GUF1: variants seen among roughly 807,000 people sequenced by gnomAD.
GUF1 encodes translation factor GUF1, mitochondrial.
A neutral mutation model predicts 82.4 loss-of-function variants in GUF1; 78 were observed. The observed-to-expected ratio is 0.95, with a 90% CI of 0.79 to 1.14. The LOEUF (loss-of-function observed/expected upper bound fraction) is 1.14, where lower values mean the gene tolerates loss of function less well. Ranked by LOEUF, GUF1 falls within the 50% of genes most tolerant of loss-of-function variation. The pLI is 0.00. For missense variants in GUF1, 814 were observed against 798.2 expected, an observed-to-expected ratio of 1.02 and a Z score of -0.24; for synonymous variants, 279 against 282.3, an observed-to-expected ratio of 0.99 and a Z score of 0.12.
At position 44,700,701 on chromosome 4, in the gene GUF1, T is replaced by C. The variant is rs972077712; in HGVS notation, c.*2020T>C. Reference sequence around the variant, plus strand: ...ACTGACTTGAGAGCTGTCTCAGATATTTTGAGCTTACAGTTATTGTGAAAT... The same window carrying C: ...ACTGACTTGAGAGCTGTCTCAGATACTTTGAGCTTACAGTTATTGTGAAAT... On this transcript the variant is annotated 3_prime_UTR_variant, in exon 17 of 17. Coordinates refer to ENST00000281543, the MANE Select transcript of GUF1 (RefSeq NM_021927.3). The C allele has an allele frequency of 6.6e-6, 1 of 152,228 alleles. No homozygotes were observed. The highest frequency in any genetic ancestry group is 1.5e-5 in the Non-Finnish European group (1 of 68,044). 9.4% of individuals were successfully genotyped at this position (152,228 alleles called of 1,614,324 possible).
chr4:44,681,000 C>A, intron 3 of GUF1, 123 bp from the exon 4 acceptor site: 1 of 1,110,942 alleles, frequency 9.0e-7, no homozygotes, highest in South Asian at 1.4e-5. Flanking sequence ...TTCAAAAGTG[C>A]AGGCTACAAA....
At chr4:44,683,417 GT>G in intron 6 of GUF1, 99 bp downstream of exon 6, 1 of 605,728 alleles carries the variant, frequency 1.7e-6, no homozygotes. Flanking sequence ...ATTATATGCT[GT>G]TTTTTATAGT....
chr4:44,678,541 A>G lies in GUF1; in HGVS notation c.-82A>G, dbSNP rs1714560897. The G allele has an allele frequency of 1.7e-6, 2 of 1,155,748 alleles. No homozygotes were observed. Among genetic ancestry groups the G allele is most frequent in the Non-Finnish European group, 2.3e-6 (2 of 869,400 alleles). The allele number at this position is 1,155,748 out of a possible 1,614,324, so 71.6% of individuals were successfully genotyped here. ...GTTTGAGTCCTGTCCACCGGATCCT[A>G]CGGGGGGTACCTTCGAAAAAAAACG... On this transcript the variant is annotated 5_prime_UTR_variant, in exon 1 of 17. Coordinates refer to ENST00000281543, the MANE Select transcript of GUF1 (RefSeq NM_021927.3).
rs1716070233 is a variant in GUF1 at position 44,699,347 on chromosome 4, TA to T, written c.*668del. 1 of 152,222 alleles carries T rather than the reference TA, an allele frequency of 6.6e-6. No individual in the cohort carries two copies. Among genetic ancestry groups the T allele is most frequent in the African/African-American group, 2.4e-5 (1 of 41,424 alleles). 9.4% of individuals were successfully genotyped at this position (152,222 alleles called of 1,614,324 possible). On this transcript the variant is annotated 3_prime_UTR_variant, in exon 17 of 17. Transcript: ENST00000281543. ...ACAGGCGTGCACCACCATGCTCGGC[TA>T]ATTTTTTGTATCTTTAGTAGAGTCG... is the stretch of plus-strand genomic sequence containing the variant.
intron 13 of GUF1, among the ~76,000 whole-genome samples, chr4:44,693,007 G>C (rs1266939768): frequency 6.6e-6 from 1 of 151,904 alleles, no homozygotes; most frequent in South Asian, 2.1e-4. Flanking sequence ...TTTAATGAGA[G>C]AACATGATTT....
Position 44,678,502 on chromosome 4 carries a change from G to C in GUF1, c.-121G>C. The C allele has an allele frequency of 1.3e-6, 1 of 795,300 alleles. No homozygotes were observed. The highest frequency in any genetic ancestry group is 1.8e-6 in the Non-Finnish European group (1 of 562,732). The allele number at this position is 795,300 out of a possible 1,614,324, so 49.3% of individuals were successfully genotyped here. Reference sequence around the variant, plus strand: ...GAGCTCCCCGGGGTTCATTGTCTTCGCTTCACAGGATCTGTTTGAGTCCTG... The same window carrying C: ...GAGCTCCCCGGGGTTCATTGTCTTCCCTTCACAGGATCTGTTTGAGTCCTG... On this transcript the variant is annotated 5_prime_UTR_variant, in exon 1 of 17. Coordinates refer to ENST00000281543, the MANE Select transcript of GUF1 (RefSeq NM_021927.3).
intron 10 of GUF1, among the ~76,000 whole-genome samples, chr4:44,689,638 TA>T (rs1715297398): frequency 6.6e-6 from 1 of 151,838 alleles, no homozygotes; most frequent in Non-Finnish European, 1.5e-5. Context: ...ATTTTATGGG[TA>T]AGTTTTATAG....
At chr4:44,685,890 C>G in intron 6 of GUF1, 69 bp from the exon 7 acceptor site, 4 of 1,019,436 alleles carry the variant, frequency 3.9e-6, no homozygotes, top group Non-Finnish European at 6.0e-6. Context: ...TCATAAGTCA[C>G]AGGTCATCAA....
rs1716025466 is a variant in GUF1 at position 44,698,822 on chromosome 4, G to T, written c.*141G>T. 1 of 686,918 alleles carries T rather than the reference G, an allele frequency of 1.5e-6. No homozygotes were observed. The allele number at this position is 686,918 out of a possible 1,614,324, so 42.6% of individuals were successfully genotyped here. On this transcript the variant is annotated 3_prime_UTR_variant, in exon 17 of 17. Coordinates refer to ENST00000281543, the MANE Select transcript of GUF1 (RefSeq NM_021927.3). ...TTTCGTTGAAAGGGAGTAGTTAGTG[G>T]GTAGGCAAGAGCTTAGATTTTGAAG...
chr4:44,686,079 T>C, intron 7 of GUF1, 56 bp downstream of exon 7: 1 of 1,185,488 alleles, frequency 8.4e-7, no homozygotes, highest in Non-Finnish European at 1.3e-6. Flanking sequence ...TCAAAAACTG[T>C]CCATGTTTAA....
chr4:44,698,406 C>A, intron 16 of GUF1, 138 bp from the exon 17 acceptor site: 1 of 625,502 alleles, frequency 1.6e-6, no homozygotes, highest in Non-Finnish European at 2.7e-6. Context: ...ATTAGATCTG[C>A]TAGGAAGATT....
At chr4:44,681,339 C>A in intron 4 of GUF1, 136 bp downstream of exon 4, 1 of 631,342 alleles carries the variant, frequency 1.6e-6, no homozygotes, top group South Asian at 2.0e-5. Context: ...TACTGAAAAT[C>A]ATATGGTTTC....
In GUF1 at chr4:44,699,097, A is replaced by G. The variant is rs1716047955; in HGVS notation, c.*416A>G. 1 of 153,962 alleles carries G rather than the reference A, an allele frequency of 6.5e-6. No individual in the cohort carries two copies. The highest frequency in any genetic ancestry group is 2.1e-4 in the South Asian group (1 of 4,878). 9.5% of individuals were successfully genotyped at this position (153,962 alleles called of 1,614,324 possible). ...GGTTCTTAGAAACTGACTTTAAGCA[A>G]AATGACACGTAGCACAATGTTCTTG... On this transcript the variant is annotated 3_prime_UTR_variant, in exon 17 of 17. Coordinates refer to ENST00000281543, the MANE Select transcript of GUF1 (RefSeq NM_021927.3).
Position 44,698,745 on chromosome 4 carries a change from T to C in GUF1, c.*64T>C, listed in dbSNP as rs1716019684. The C allele has an allele frequency of 1.4e-6, 2 of 1,449,968 alleles. No individual in the cohort carries two copies. Among genetic ancestry groups the C allele is most frequent in the Non-Finnish European group, 1.9e-6 (2 of 1,069,590 alleles). 89.8% of individuals were successfully genotyped at this position (1,449,968 alleles called of 1,614,324 possible). A position where few individuals can be genotyped will look rare whatever the true frequency, so the allele number is the denominator to read the frequency against. ...TATGCTGACAACAGAAAGAAAATTA[T>C]AAAATTTGCTTGTTACTTTCAGGGT... On this transcript the variant is annotated 3_prime_UTR_variant, in exon 17 of 17. Transcript: ENST00000281543.
At chr4:44,694,568 C>T in intron 14 of GUF1, 55 bp downstream of exon 14, 1 of 1,122,218 alleles carries the variant, frequency 8.9e-7, no homozygotes, top group South Asian at 1.4e-5. Context: ...ATATGTTTTT[C>T]ATTTATTTTT....
intron 9 of GUF1, among the ~76,000 whole-genome samples, chr4:44,688,551 A>C (rs1457632115): frequency 2.6e-5 from 4 of 151,954 alleles, no homozygotes; most frequent in African/African-American, 9.7e-5. Context: ...ACTAATGTAG[A>C]TATGACAGAA....
chr4:44,682,843 G>A (rs1714843821), intron 5 of GUF1, among the ~76,000 whole-genome samples: 2 of 151,926 alleles, frequency 1.3e-5, no homozygotes, highest in South Asian at 4.1e-4. Context: ...AATCTGCATT[G>A]CTTTAATTAT....
At chr4:44,678,827 ACGTTGGAGTGC>A in intron 1 of GUF1, 40 bp downstream of exon 1, 2 of 1,527,882 alleles carry the variant, frequency 1.3e-6, no homozygotes, top group Non-Finnish European at 1.7e-6. Flanking sequence ...AAGTTTTCAA[ACGTTGGAGTGC>A]CCCATGCGAT....
rs963170149 is a variant in GUF1, at chr4:44,695,671, C to A, written c.1772C>A (p.Pro591His). Residue 591 changes from proline (P) to histidine (H), a missense_variant, in exon 15 of 17, where the codon CCT becomes CAT. Physicochemically the swap from Pro to His is moderately conservative, Grantham distance 77. Coordinates refer to ENST00000281543, the MANE Select transcript of GUF1 (RefSeq NM_021927.3). ...TGTGAACGGCTGAAGGATTCTCTTC[C>A]TAGGCAACTGTTTGAGATAGCAATT... ...AICERLKDSLPRQLFEIAIQA... is the reference protein window; with the variant it reads ...AICERLKDSLHRQLFEIAIQA... The A allele has an allele frequency of 1.9e-6, 3 of 1,613,136 alleles. No homozygotes were observed. In the African/African-American group the frequency reaches 4.0e-5, roughly 22 times the overall value.
Sources: allele counts gnomAD v4.1 joint callset (sites outside exome capture counted in the v4.1 genomes callset), GRCh38; gene constraint gnomAD v4.1.1; transcripts MANE v1.5; gene names NCBI Gene and HGNC (gene_info 2026-07-23, HGNC 2026-07-21).